CFAP74: variants seen among roughly 807,000 people sequenced by gnomAD.
CFAP74 encodes cilia- and flagella-associated protein 74.
A neutral mutation model predicts 188.9 loss-of-function variants in CFAP74; 124 were observed. The observed-to-expected ratio is 0.66, with a 90% confidence interval of 0.57 to 0.76. CFAP74 has a LOEUF of 0.76. Ranked by LOEUF, CFAP74 falls within the 30% of genes least tolerant of loss-of-function variation. The probability of loss-of-function intolerance (pLI) is 0.00; values close to 1 mark genes in which losing one functional copy is unlikely to be tolerated. For missense variants in CFAP74, 2,198 were observed against 2,165.2 expected (o/e 1.02, Z -0.30); for synonymous variants, 956 against 916.7 (o/e 1.04, Z -0.77).
In CFAP74 at chr1:1,988,661, G is replaced by A. The variant is rs560606693; in HGVS notation, c.153-6C>T. On this transcript the variant is annotated splice_polypyrimidine_tract_variant and splice_region_variant and intron_variant, in intron 3 of 38. Coordinates refer to ENST00000682832, the MANE Select transcript of CFAP74 (RefSeq NM_001304360.2). ...TATCTAGTTCTTTCACTGAGCTTAG[G>A]ATGAAAAGGACGTCAGCTGCCACCA... 1.2e-6 allele frequency: 2 copies of A among 1,605,484 alleles called. No individual in the cohort carries two copies. Among genetic ancestry groups the A allele is most frequent in the Middle Eastern group, 1.7e-4 (1 of 6,006 alleles).
In CFAP74 at chr1:1,922,239, G is replaced by A. The variant is rs1237664879; in HGVS notation, c.*48C>T. ...TATGACCTGGCCCTCAGCCTGGGGA[G>A]GGCTTTGAGGGTGGACAGGAGGGCC... On this transcript the variant is annotated 3_prime_UTR_variant, in exon 39 of 39. Transcript: ENST00000682832. 1 of 1,424,884 alleles carries A rather than the reference G, an allele frequency of 7.0e-7. No individual in the cohort carries two copies. The highest frequency in any genetic ancestry group is 9.8e-7 in the Non-Finnish European group (1 of 1,016,960). The allele number at this position is 1,424,884 out of a possible 1,614,324, so 88.3% of individuals were successfully genotyped here.
Position 1,974,091 on chromosome 1 carries a change from G to A in CFAP74, c.608C>T (p.Ala203Val). 2 of 1,612,182 alleles carry A rather than the reference G, an allele frequency of 1.2e-6. No homozygotes were observed. Among genetic ancestry groups the A allele is most frequent in the East Asian group, 4.5e-5 (2 of 44,794 alleles). ...ATGRRLQVRA[A>V]EQLCREQEAL... ...CTCCTGCTCTCTGCAGAGCTGCTCG[G>A]CTGCGCGCACCTGGAGCCGCCGCCC... The change falls in exon 7 of 39, where the codon GCC (alanine) becomes GTC (valine). Residue 203 changes from alanine (A) to valine (V), a missense_variant. By Grantham distance (64) the Ala-to-Val change is moderately conservative (BLOSUM62 0). Coordinates refer to ENST00000682832, the MANE Select transcript of CFAP74 (RefSeq NM_001304360.2).
At chr1:1,956,236 C>G (rs979137502) in intron 17 of CFAP74, among the ~76,000 whole-genome samples, 1 of 152,248 alleles carries the variant, frequency 6.6e-6, no homozygotes, top group African/African-American at 2.4e-5. Flanking sequence ...AAGACGCGCT[C>G]ACACTTGGAA....
At chr1:1,971,099 G>T (rs1655975550) in intron 9 of CFAP74, among the ~76,000 whole-genome samples, 2 of 135,474 alleles carry the variant, frequency 1.5e-5, no homozygotes, top group South Asian at 4.7e-4. Flanking sequence ...ATGCACACCT[G>T]CACACGTGTG....
rs182415144 is a variant in CFAP74, at chr1:1,973,022, G to A, written c.700C>T (p.Leu234Phe). 9.3e-6 allele frequency: 15 copies of A among 1,613,926 alleles called. No individual in the cohort carries two copies. The East Asian group carries it at 3.3e-4, about 36-fold the overall frequency. Reference protein sequence around the residue: ...IRKSLNTQKELGLRHQKLLED... With the variant: ...IRKSLNTQKEFGLRHQKLLED... ...AGCAGCTTCTGGTGCCTGAGCCCGAGCTCCTTCTGGGTGTTCAGGGACTTC... is the reference window on the plus strand; with the variant it reads ...AGCAGCTTCTGGTGCCTGAGCCCGAACTCCTTCTGGGTGTTCAGGGACTTC... The change falls in exon 8 of 39, where the codon CTC (leucine) becomes TTC (phenylalanine). Residue 234 changes from leucine (L) to phenylalanine (F), a missense_variant. Physicochemically the swap from Leu to Phe is conservative, Grantham distance 22. Transcript: ENST00000682832. This position sits in a 1 kb window ranked among gnomAD's most constrained non-coding sequence, Gnocchi z 6.2.
intron 6 of CFAP74, among the ~76,000 whole-genome samples, chr1:1,980,033 G>A (rs571565450): frequency 3.9e-5 from 6 of 151,928 alleles, no homozygotes; most frequent in Admixed American, 6.6e-5. Flanking sequence ...CAAAGGCTTC[G>A]GACGGCGTCT....
At chr1:1,982,389 C>G (rs1656957948) in intron 6 of CFAP74, among the ~76,000 whole-genome samples, 1 of 151,996 alleles carries the variant, frequency 6.6e-6, no homozygotes, top group Admixed American at 6.5e-5. Context: ...CAGCTGTGGT[C>G]ACACGCAGGG....
intron 1 of CFAP74, among the ~76,000 whole-genome samples, chr1:1,995,946 C>G (rs1477192440): frequency 2.0e-5 from 3 of 151,954 alleles, no homozygotes; most frequent in African/African-American, 7.2e-5. Context: ...CAACAACAAA[C>G]CCAAGAACAA....
intron 18 of CFAP74, chr1:1,953,657 T>C (rs1469438665): frequency 2.0e-5 from 3 of 153,590 alleles, no homozygotes; most frequent in African/African-American, 4.8e-5. Context: ...AGTCCACTTG[T>C]GCCGTGGAAT....
In CFAP74 at chr1:1,956,929, C is replaced by T. The variant is rs76220493; in HGVS notation, c.1852-145G>A. On this transcript the variant is annotated intron_variant, in intron 16 of 38. Coordinates refer to ENST00000682832, the MANE Select transcript of CFAP74 (RefSeq NM_001304360.2). ...GCACAAGCAGGTACACGATTCAACC[C>T]AGAAATCAGGTGTGTATTGCTCATG... 1,686 of 838,196 alleles carry T rather than the reference C, an allele frequency of 2.0e-3. 27 individuals are homozygous for T. In the African/African-American group the frequency reaches 0.025, roughly 12 times the overall value. 51.9% of individuals were successfully genotyped at this position (838,196 alleles called of 1,614,324 possible).
chr1:1,955,807 G>A lies in CFAP74; in HGVS notation c.2060C>T (p.Ala687Val), dbSNP rs1558023085. 1.2e-6 allele frequency: 2 copies of A among 1,614,088 alleles called. No homozygotes were observed. The highest frequency in any genetic ancestry group is 1.7e-6 in the Non-Finnish European group (2 of 1,180,036). ...CTGCTGCTCAGAGAAGCTGGTGGCG[G>A]CTTTGTCATACAAGCTTTTATCTTC... ...TYEDKSLYDK[A>V]ATSFSEQQLE... Residue 687 changes from alanine (A) to valine (V), a missense_variant, in exon 18 of 39, where the codon GCC (alanine) becomes GTC (valine). Ala to Val is a moderately conservative substitution (Grantham distance 64). Transcript: ENST00000682832.
rs1369767662 is a variant in CFAP74, at chr1:1,973,388, C to T, written c.675-341G>A. ...GGGGCTGGGGACCTTGTGTCTGCAGCCAGGGCCTGGATTCCACAGGGGTTT... is the reference window on the plus strand; with the variant it reads ...GGGGCTGGGGACCTTGTGTCTGCAGTCAGGGCCTGGATTCCACAGGGGTTT... On this transcript the variant is annotated intron_variant, in intron 7 of 38. Coordinates refer to ENST00000682832, the MANE Select transcript of CFAP74 (RefSeq NM_001304360.2). This position sits in a 1 kb window ranked among gnomAD's most constrained non-coding sequence, Gnocchi z 6.2. Among the ~76,000 whole-genome samples the T allele has an allele frequency of 6.6e-6, 1 of 151,742 alleles. No homozygotes were observed. The highest frequency in any genetic ancestry group is 1.5e-5 in the Non-Finnish European group (1 of 67,902).
intron 25 of CFAP74, among the ~76,000 whole-genome samples, chr1:1,937,775 C>T (rs1652999912): frequency 6.6e-6 from 1 of 152,258 alleles, no homozygotes; most frequent in East Asian, 1.9e-4. Context: ...TTATCCCGCC[C>T]TCAGGCTCAG....
chr1:1,982,007 A>G (rs1386917094), intron 6 of CFAP74, among the ~76,000 whole-genome samples: 2 of 146,538 alleles, frequency 1.4e-5, no homozygotes, highest in African/African-American at 5.1e-5. Context: ...CCGTGGACAG[A>G]CACGGGGACA....
chr1:1,938,932 C>T lies in CFAP74; in HGVS notation c.2934G>A (p.Leu978=). The T allele has an allele frequency of 1.3e-6, 2 of 1,536,168 alleles. No individual in the cohort carries two copies. The highest frequency in any genetic ancestry group is 1.7e-6 in the Non-Finnish European group (2 of 1,146,900). ...GFGTILPLET[L]QFCVIFQPTK... ...TGGGCTGGAAGATCACACAGAACTG[C>T]AGCGTTTCCAGGGGCAGGATCGTCC... is the stretch of plus-strand genomic sequence containing the variant. Residue 978 remains leucine (L), a synonymous_variant, in exon 25 of 39, where the codon CTG becomes CTA. Transcript: ENST00000682832.
At chr1:1,944,596 T>A (rs766288480) in intron 20 of CFAP74, 144 bp from the exon 21 acceptor site, 1 of 800,422 alleles carries the variant, frequency 1.2e-6, no homozygotes, top group Non-Finnish European at 1.9e-6. Context: ...ACTTTTCATA[T>A]CATATCATTC....
chr1:1,988,872 C>A lies in CFAP74; in HGVS notation c.152+17G>T. On this transcript the variant is annotated intron_variant, in intron 3 of 38. Coordinates refer to ENST00000682832, the MANE Select transcript of CFAP74 (RefSeq NM_001304360.2). ...CACCCCCCCACACCCACCTCCACCCCCGATCCTCCGAGTTACCTGCTGTGT... is the reference window on the plus strand; with the variant it reads ...CACCCCCCCACACCCACCTCCACCCACGATCCTCCGAGTTACCTGCTGTGT... 3 of 1,210,814 alleles carry A rather than the reference C, an allele frequency of 2.5e-6. No homozygotes were observed. Among genetic ancestry groups the A allele is most frequent in the Non-Finnish European group, 3.5e-6 (3 of 851,186 alleles). 75.0% of individuals were successfully genotyped at this position (1,210,814 alleles called of 1,614,324 possible). A position where few individuals can be genotyped will look rare whatever the true frequency, so the allele number is the denominator to read the frequency against.
At chr1:1,985,139 G>A (rs1014641305) in intron 6 of CFAP74, 18 of 452,666 alleles carry the variant, frequency 4.0e-5, no homozygotes, top group East Asian at 6.6e-5. Context: ...CATGAGAAAC[G>A]AGGAAAGAGG....
At chr1:1,998,216 T>C (rs576707026) in intron 1 of CFAP74, among the ~76,000 whole-genome samples, 3 of 152,254 alleles carry the variant, frequency 2.0e-5, no homozygotes, top group Admixed American at 2.0e-4. Flanking sequence ...AGGCAGAGGT[T>C]GCAGTGAGCC....
Sources: gnomAD v4.1 joint callset for allele counts (sites outside exome capture counted in the v4.1 genomes callset) on GRCh38, gnomAD v4.1.1 for gene constraint, Gnocchi (gnomAD v3.1) non-coding constraint, MANE v1.5 for transcripts, NCBI Gene and HGNC (gene_info 2026-07-23, HGNC 2026-07-21) for gene names.